UBE3D: variants seen among roughly 807,000 people sequenced by gnomAD.
UBE3D encodes E3 ubiquitin-protein ligase E3D.
In UBE3D, 48 loss-of-function variants were observed where a neutral mutation model predicts 49.6. The observed-to-expected ratio is 0.97, with a 90% CI of 0.77 to 1.23. UBE3D has a LOEUF of 1.23. Ranked by LOEUF, UBE3D falls within the 50% of genes most tolerant of loss-of-function variation. The pLI is 0.00. For synonymous variants in UBE3D, 189 were observed against 174.2 expected, an observed-to-expected ratio of 1.08 and a Z score of -0.67; for missense variants, 452 against 468.4, an observed-to-expected ratio of 0.96 and a Z score of 0.32.
At chr6:83,028,876 G>T (rs1781666572) in intron 5 of UBE3D, among the ~76,000 whole-genome samples, 1 of 152,064 alleles carries the variant, frequency 6.6e-6, no homozygotes, top group African/African-American at 2.4e-5. Flanking sequence ...TGATAGTTAT[G>T]CTAGATACAG....
chr6:82,919,117 C>G (rs1773133269), intron 9 of UBE3D, among the ~76,000 whole-genome samples: 1 of 152,044 alleles, frequency 6.6e-6, no homozygotes, highest in South Asian at 2.1e-4. Flanking sequence ...TTAGAAAGGG[C>G]AAAAAGACCT....
intron 8 of UBE3D, among the ~76,000 whole-genome samples, chr6:82,985,956 G>C (rs2127725116): frequency 6.6e-6 from 1 of 152,122 alleles, no homozygotes; most frequent in East Asian, 1.9e-4. Flanking sequence ...GATAGGGCTA[G>C]TCCTTGCCCT....
chr6:82,915,872 G>C (rs1169160094), intron 9 of UBE3D, among the ~76,000 whole-genome samples: 1 of 152,044 alleles, frequency 6.6e-6, no homozygotes, highest in African/African-American at 2.4e-5. Context: ...TATCAGTGTT[G>C]ATCTTATTGT....
intron 9 of UBE3D, chr6:82,925,071 G>C (rs1562088854): frequency 6.5e-6 from 1 of 152,992 alleles, no homozygotes; most frequent in Non-Finnish European, 1.5e-5. Flanking sequence ...TGTTCAAAGA[G>C]AGACAGTCTC....
chr6:82,990,958 T>G (rs1201247632), intron 8 of UBE3D, among the ~76,000 whole-genome samples: 1 of 151,394 alleles, frequency 6.6e-6, no homozygotes, highest in Non-Finnish European at 1.5e-5. Context: ...CTTTTTGGTT[T>G]ACACGGTCAA....
At chr6:82,904,313 A>G (rs1258621852) in intron 9 of UBE3D, among the ~76,000 whole-genome samples, 1 of 152,224 alleles carries the variant, frequency 6.6e-6, no homozygotes, top group African/African-American at 2.4e-5. Flanking sequence ...ACAGTTTCCA[A>G]GAACCTATCA....
chr6:83,053,558 A>AT (rs1562232081), intron 3 of UBE3D, among the ~76,000 whole-genome samples: 1 of 152,148 alleles, frequency 6.6e-6, no homozygotes, highest in African/African-American at 2.4e-5. Context: ...ACTGTAAAAA[A>AT]ACCCAAAAAC....
At chr6:82,937,979 G>A (rs777838222) in intron 9 of UBE3D, among the ~76,000 whole-genome samples, 7 of 152,098 alleles carry the variant, frequency 4.6e-5, no homozygotes, top group South Asian at 2.1e-4. Context: ...GAGAGCACAC[G>A]GGCGTGTGCG....
chr6:83,019,324 TAA>T (rs74721575), intron 7 of UBE3D, among the ~76,000 whole-genome samples, 188 bp from the exon 8 acceptor site: 9 of 130,018 alleles, frequency 6.9e-5, no homozygotes, highest in East Asian at 2.2e-4. Flanking sequence ...GACATAAAGT[TAA>T]AAAAAAAAAA....
At chr6:82,970,386 A>T (rs1055510721) in intron 8 of UBE3D, among the ~76,000 whole-genome samples, 1 of 152,232 alleles carries the variant, frequency 6.6e-6, no homozygotes, top group African/African-American at 2.4e-5. Context: ...AAAAAATTTT[A>T]AATCACAGGC....
In UBE3D at chr6:83,057,985, T is replaced by C. The variant is rs770710991; in HGVS notation, c.115A>G (p.Ile39Val). The C allele has an allele frequency of 5.6e-6, 9 of 1,614,064 alleles. No homozygotes were observed. The East Asian group carries it at 1.6e-4, about 28-fold the overall frequency. ...TTCATCTGGAGTGAAGATGGCATTATGGAAATATTCATGGGCATACCTCCT... is the reference window on the plus strand; with the variant it reads ...TTCATCTGGAGTGAAGATGGCATTACGGAAATATTCATGGGCATACCTCCT... ...KEGGMPMNIS[I>V]MPSSLQMKTP... The change falls in exon 2 of 10, where the codon ATA (isoleucine) becomes GTA (valine). Residue 39 changes from isoleucine to valine, a missense_variant. Transcript: ENST00000369747.
At chr6:82,954,385 G>A (rs879889143) in intron 9 of UBE3D, among the ~76,000 whole-genome samples, 1 of 152,092 alleles carries the variant, frequency 6.6e-6, no homozygotes, top group African/African-American at 2.4e-5. Context: ...ATCCCTGTTG[G>A]CCTGAGAGAA....
chr6:82,910,789 T>G (rs1209202643), intron 9 of UBE3D, among the ~76,000 whole-genome samples: 1 of 152,198 alleles, frequency 6.6e-6, no homozygotes, highest in Non-Finnish European at 1.5e-5. Flanking sequence ...GGCAACTGAT[T>G]TAAAATGTAG....
rs377103012 is a variant in UBE3D, at chr6:82,949,900, C to A, written c.1149+7412G>T. Among the ~76,000 whole-genome samples the A allele has an allele frequency of 2.0e-3, 310 of 152,024 alleles. 2 individuals carry two copies. Among genetic ancestry groups the A allele is most frequent in the African/African-American group, 7.0e-3 (292 of 41,452 alleles). ...AAAAACTTAAATCTAATACCTCAAA[C>A]TACAAAATTACTGTAAGAAAACATT... On this transcript the variant is annotated intron_variant, in intron 9 of 9. Coordinates refer to ENST00000369747, the MANE Select transcript of UBE3D (RefSeq NM_198920.3).
At chr6:83,049,972 T>C (rs985086226) in intron 3 of UBE3D, among the ~76,000 whole-genome samples, 1 of 152,156 alleles carries the variant, frequency 6.6e-6, no homozygotes, top group Non-Finnish European at 1.5e-5. Context: ...AATAAAAAAT[T>C]ACATACATTC....
intron 8 of UBE3D, among the ~76,000 whole-genome samples, chr6:83,012,375 T>C (rs1002035665): frequency 5.9e-5 from 9 of 152,182 alleles, no homozygotes; most frequent in Non-Finnish European, 1.3e-4. Context: ...TCAGTGTTGG[T>C]CTCTGCTGCT....
At chr6:82,966,900 T>C (rs1403264215) in intron 8 of UBE3D, among the ~76,000 whole-genome samples, 19 of 152,218 alleles carry the variant, frequency 1.2e-4, no homozygotes. Context: ...AAACATATTA[T>C]GGTTGCTATT....
At chr6:82,937,410 AG>A (rs1296642253) in intron 9 of UBE3D, among the ~76,000 whole-genome samples, 16 of 151,472 alleles carry the variant, frequency 1.1e-4, no homozygotes, top group African/African-American at 3.1e-4. Context: ...GAGTGAAGCA[AG>A]CTCAGTTATT....
intron 8 of UBE3D, among the ~76,000 whole-genome samples, chr6:82,976,729 T>A (rs1472338410): frequency 6.6e-6 from 1 of 152,190 alleles, no homozygotes; most frequent in East Asian, 1.9e-4. Context: ...CATTTCCACT[T>A]CTTCTGAAAC....
Sources: gnomAD v4.1 joint callset for allele counts (sites outside exome capture counted in the v4.1 genomes callset) on GRCh38, gnomAD v4.1.1 for gene constraint, MANE v1.5 for transcripts, NCBI Gene and HGNC (gene_info 2026-07-23, HGNC 2026-07-21) for gene names.